GLB1: variants seen among roughly 807,000 people sequenced by gnomAD.
GLB1 encodes galactosidase beta 1.
Under a neutral mutation model 74.0 loss-of-function variants are expected in GLB1, and 56 were observed. The ratio of observed to expected loss-of-function variants is 0.76; its 90% CI spans 0.61 to 0.94. The LOEUF (loss-of-function observed/expected upper bound fraction) is 0.94. Among genes scored for constraint, GLB1 ranks in the 40% least tolerant of loss-of-function variants. GLB1 has a pLI of 0.00. For missense variants in GLB1, 787 were observed against 845.5 expected (o/e 0.93, Z 0.86); for synonymous variants, 323 against 323.6 (o/e 1.00, Z 0.02).
chr3:33,091,381 A>G (rs10865849), intron 1 of GLB1: 985,502 of 985,504 alleles, frequency 1, 492,750 homozygotes, highest in Middle Eastern at 1. Context: ...CACATGAGGG[A>G]AGGAAGGCAA....
chr3:33,076,768 T>C (rs1354959839), intron 1 of GLB1, among the ~76,000 whole-genome samples: 4 of 152,208 alleles, frequency 2.6e-5, no homozygotes, highest in African/African-American at 4.8e-5. Flanking sequence ...AAAAAATTCA[T>C]TGGTCACTTT....
At chr3:32,969,660 T>C in the GLB1 span, among the ~76,000 whole-genome samples, 1 of 152,068 alleles carries the variant, frequency 6.6e-6, no homozygotes, top group Non-Finnish European at 1.5e-5. Context: ...AAATAAGAAC[T>C]ACATTGAAGG....
At chr3:33,087,575 GCGCGCACACACACACACA>G (rs1559419330) in intron 1 of GLB1, among the ~76,000 whole-genome samples, 5 of 36,000 alleles carry the variant, frequency 1.4e-4, no homozygotes, top group Admixed American at 7.3e-4. Flanking sequence ...GTCTCAGCAT[GCGCGCACACACACACACA>G]CACACACACA....
chr3:33,091,374 A>T (rs1700752918), intron 1 of GLB1: 2 of 985,324 alleles, frequency 2.0e-6, no homozygotes, highest in Admixed American at 1.2e-4. Context: ...CAGAATGCAC[A>T]TGAGGGAAGG....
rs1697335361 is a variant in GLB1, at chr3:33,018,495, AAG to A, written c.1298_1299del (p.Ser433PhefsTer23). 6.2e-7 allele frequency: 1 copy of A among 1,614,006 alleles called. No individual in the cohort carries two copies. Among genetic ancestry groups the A allele is most frequent in the Non-Finnish European group, 8.5e-7 (1 of 1,179,998 alleles). Reference sequence around the variant, plus strand: ...CGATCGTGGACTCCATTGAGGGGTGAAGAGAGAGGTGCTGGGTTGCTGCAATC... The same window carrying A: ...CGATCGTGGACTCCATTGAGGGGTGAAGAGAGGTGCTGGGTTGCTGCAATC... Reference protein sequence around the residue: ...PQDCSNPAPLSSPLNGVHDRA... With the variant: ...PQDCSNPAPLXSPLNGVHDRA... On this transcript the variant is annotated frameshift_variant, in exon 13 of 16. Transcript: ENST00000307363. LOFTEE classifies it high-confidence loss of function.
At chr3:33,031,744 A>G (rs1698051689) in intron 10 of GLB1, among the ~76,000 whole-genome samples, 1 of 146,366 alleles carries the variant, frequency 6.8e-6, no homozygotes, top group South Asian at 2.2e-4. Flanking sequence ...GGAAAATATG[A>G]CATGTTAAGC....
At position 33,009,339 on chromosome 3, in the gene GLB1, C is replaced by A. The variant is rs959722186; in HGVS notation, c.1734+4717G>T. On this transcript the variant is annotated intron_variant, in intron 15 of 15. Transcript: ENST00000307363. ...GAGTTCAAGACCAGCCTGGCCAACA[C>A]GGTGAAACCCCATCTCTACTAAAAA... Among the ~76,000 whole-genome samples, 15 of 151,624 alleles carry A rather than the reference C, an allele frequency of 9.9e-5. No individual in the cohort carries two copies. In the East Asian group the frequency reaches 2.9e-3, roughly 30 times the overall value.
intron 1 of GLB1, among the ~76,000 whole-genome samples, chr3:33,087,735 G>A (rs1340662751): frequency 2.6e-5 from 4 of 152,086 alleles, no homozygotes; most frequent in Admixed American, 6.6e-5. Context: ...AGTTGAAGAG[G>A]AGGAACATTT....
chr3:33,094,556 A>G (rs1700920624), intron 1 of GLB1, among the ~76,000 whole-genome samples: 1 of 152,242 alleles, frequency 6.6e-6, no homozygotes, highest in African/African-American at 2.4e-5. Context: ...TTGTTTTATA[A>G]AAACATTCCA....
chr3:32,983,397 G>A, the GLB1 span, among the ~76,000 whole-genome samples: 1 of 152,034 alleles, frequency 6.6e-6, no homozygotes, highest in African/African-American at 2.4e-5. Flanking sequence ...AAACCCATAT[G>A]TTGTGTTTTA....
At chr3:33,023,927 GGT>G (rs1365462798) in intron 11 of GLB1, among the ~76,000 whole-genome samples, 3 of 152,106 alleles carry the variant, frequency 2.0e-5, no homozygotes, top group African/African-American at 7.2e-5. Flanking sequence ...ATAACAATGA[GGT>G]GGCATGTTAT....
intron 1 of GLB1, among the ~76,000 whole-genome samples, chr3:33,088,815 C>T (rs1700635813): frequency 6.6e-6 from 1 of 152,098 alleles, no homozygotes; most frequent in Admixed American, 6.5e-5. Context: ...TCTCAACAGA[C>T]ACCAAATAGA....
intron 10 of GLB1, among the ~76,000 whole-genome samples, chr3:33,031,610 T>G (rs1171222657): frequency 3.1e-4 from 5 of 16,384 alleles, no homozygotes; most frequent in African/African-American, 1.7e-3. Context: ...AGGCTCTGTC[T>G]CAAAAAAAAA....
In GLB1 at chr3:33,068,940, C is replaced by T. The variant is rs748830051; in HGVS notation, c.276G>A (p.Trp92Ter). The T allele has an allele frequency of 8.7e-6, 14 of 1,614,184 alleles. No homozygotes were observed. The highest frequency in any genetic ancestry group is 1.6e-4 in the Middle Eastern group (1 of 6,062). Reference protein sequence around the residue: ...TYVPWNFHEPWPGQYQFSEDH... With the variant: ...TYVPWNFHEP ...CCTCAGAAAACTGGTACTGTCCTGG[C>T]CAGGGCTCATGAAAGTTCCAGGGCA... Residue 92 changes from tryptophan (W) to a stop codon, truncating the protein, a stop_gained, in exon 3 of 16, where the codon TGG becomes TGA. Coordinates refer to ENST00000307363, the MANE Select transcript of GLB1 (RefSeq NM_000404.4). LOFTEE classifies it high-confidence loss of function.
intron 5 of GLB1, among the ~76,000 whole-genome samples, chr3:33,064,954 C>T (rs1207918667): frequency 6.6e-6 from 1 of 152,076 alleles, no homozygotes; most frequent in Non-Finnish European, 1.5e-5. Flanking sequence ...GAGAATGGGG[C>T]AGGAAGTAAG....
chr3:33,090,736 G>A (rs1208869315), intron 1 of GLB1: 5 of 985,360 alleles, frequency 5.1e-6, no homozygotes, highest in Non-Finnish European at 6.0e-6. Flanking sequence ...AAAAATGTCC[G>A]CCGCGTCAGG....
chr3:33,026,143 C>T (rs867025686), intron 10 of GLB1, among the ~76,000 whole-genome samples: 2 of 113,902 alleles, frequency 1.8e-5, no homozygotes, highest in South Asian at 5.6e-4. Flanking sequence ...CAGCTGCAGA[C>T]GGAAACATCT....
chr3:33,094,364 AAC>A, intron 1 of GLB1: 1 of 1,378,848 alleles, frequency 7.3e-7, no homozygotes, highest in Admixed American at 3.2e-5. Context: ...ACCCATTCAA[AAC>A]TCAAAGGCCA....
intron 2 of GLB1, among the ~76,000 whole-genome samples, chr3:33,069,479 T>C (rs1575472597): frequency 6.6e-6 from 1 of 152,232 alleles, no homozygotes; most frequent in Non-Finnish European, 1.5e-5. Flanking sequence ...AATGGAGGAC[T>C]GTCCAATGGG....
Sources: allele counts gnomAD v4.1 joint callset (sites outside exome capture counted in the v4.1 genomes callset), GRCh38; gene constraint gnomAD v4.1.1; transcripts MANE v1.5; gene names NCBI Gene and HGNC (gene_info 2026-07-23, HGNC 2026-07-21).